MPPED2: variants seen among roughly 807,000 people sequenced by gnomAD.
The protein encoded by MPPED2 is metallophosphoesterase domain containing 2.
Under a neutral mutation model 33.0 loss-of-function variants are expected in MPPED2, and 5 were observed. That is an observed-to-expected ratio of 0.15 (90% CI 0.08 to 0.32). The LOEUF (loss-of-function observed/expected upper bound fraction) is 0.32. Among genes scored for constraint, MPPED2 ranks in the 10% least tolerant of loss-of-function variants. The probability of loss-of-function intolerance (pLI) is 1.00; values close to 1 mark genes in which losing one functional copy is unlikely to be tolerated. For missense variants in MPPED2, 275 were observed against 372.1 expected (o/e 0.74, Z 2.15); for synonymous variants, 136 against 141.9 (o/e 0.96, Z 0.29).
chr11:30,447,463 A>G (rs534903804), intron 4 of MPPED2, among the ~76,000 whole-genome samples: 208 of 152,332 alleles, frequency 1.4e-3, no homozygotes, highest in Admixed American at 2.5e-3. Context: ...GTGGCCTGAC[A>G]GGGACCAGAA....
chr11:30,551,215 C>T lies in MPPED2; in HGVS notation c.129-15040G>A, dbSNP rs374248472. ...CTAACATCAATGAACACTATTCCCACGCTTAGGCACCATGCCAAGCACTTT... is the reference window on the plus strand; with the variant it reads ...CTAACATCAATGAACACTATTCCCATGCTTAGGCACCATGCCAAGCACTTT... On this transcript the variant is annotated intron_variant, in intron 2 of 6. Coordinates refer to ENST00000358117, the MANE Select transcript of MPPED2 (RefSeq NM_001584.3). Among the ~76,000 whole-genome samples, 30 of 152,310 alleles carry T rather than the reference C, an allele frequency of 2.0e-4. No individual in the cohort carries two copies. In the South Asian group the frequency reaches 2.7e-3, roughly 14 times the overall value.
intron 2 of MPPED2, among the ~76,000 whole-genome samples, chr11:30,538,112 A>C (rs1416639198): frequency 6.6e-6 from 1 of 152,190 alleles, no homozygotes; most frequent in Non-Finnish European, 1.5e-5. Flanking sequence ...GTTTGCATTT[A>C]TACTTAATGC....
At chr11:30,450,004 T>C (rs1949985424) in intron 4 of MPPED2, among the ~76,000 whole-genome samples, 1 of 152,232 alleles carries the variant, frequency 6.6e-6, no homozygotes, top group South Asian at 2.1e-4. Flanking sequence ...TTTTTTGGTT[T>C]TCAATTTTCT....
chr11:30,392,212 T>A (rs1346461550), intron 6 of MPPED2, among the ~76,000 whole-genome samples: 2 of 152,216 alleles, frequency 1.3e-5, no homozygotes, highest in Non-Finnish European at 2.9e-5. Flanking sequence ...TCTAATGGTT[T>A]CTTTGTTTGA....
intron 3 of MPPED2, among the ~76,000 whole-genome samples, chr11:30,516,419 C>A (rs533770400): frequency 6.6e-6 from 1 of 152,030 alleles, no homozygotes; most frequent in Middle Eastern, 3.2e-3. Context: ...GGCTAAAGGA[C>A]GTAGCATTTC....
At chr11:30,458,074 T>C (rs1198647065) in intron 4 of MPPED2, among the ~76,000 whole-genome samples, 1 of 152,212 alleles carries the variant, frequency 6.6e-6, no homozygotes, top group Admixed American at 6.5e-5. Context: ...GGCTCTCATG[T>C]GGGCTCTTTC....
chr11:30,495,572 A>C (rs1298554923), intron 3 of MPPED2, 51 bp from the exon 4 acceptor site: 1 of 1,374,022 alleles, frequency 7.3e-7, no homozygotes, highest in East Asian at 2.3e-5. Flanking sequence ...CCCATCACAA[A>C]GTACAACAGC....
chr11:30,440,374 C>G, intron 4 of MPPED2, among the ~76,000 whole-genome samples: 1 of 151,818 alleles, frequency 6.6e-6, no homozygotes, highest in Non-Finnish European at 1.5e-5. Context: ...TATACCTATT[C>G]ATTTGCATAT....
chr11:30,506,213 AT>A (rs1952819865), intron 3 of MPPED2, among the ~76,000 whole-genome samples: 1 of 151,838 alleles, frequency 6.6e-6, no homozygotes, highest in African/African-American at 2.4e-5. Flanking sequence ...AATTTTTTAT[AT>A]TTTTAGTAGA....
chr11:30,534,618 T>C (rs1286589791), intron 3 of MPPED2, among the ~76,000 whole-genome samples: 1 of 152,196 alleles, frequency 6.6e-6, no homozygotes, highest in Admixed American at 6.5e-5. Flanking sequence ...TATACATTCA[T>C]TCACTGCTAG....
chr11:30,487,040 T>C (rs1951772614), intron 4 of MPPED2, among the ~76,000 whole-genome samples: 1 of 152,230 alleles, frequency 6.6e-6, no homozygotes, highest in South Asian at 2.1e-4. Context: ...ACCAAGCATC[T>C]ACTATGTGCC....
intron 4 of MPPED2, among the ~76,000 whole-genome samples, chr11:30,462,585 G>GA (rs1246307766): frequency 3.3e-5 from 5 of 152,208 alleles, no homozygotes; most frequent in East Asian, 3.9e-4. Context: ...TTATTAAGGG[G>GA]AAAAAATGCT....
intron 4 of MPPED2, among the ~76,000 whole-genome samples, chr11:30,433,771 G>A (rs1949191400): frequency 6.6e-6 from 1 of 152,132 alleles, no homozygotes; most frequent in Admixed American, 6.5e-5. Flanking sequence ...ACATTTCAGA[G>A]GAAATCTAGG....
intron 4 of MPPED2, among the ~76,000 whole-genome samples, chr11:30,418,160 C>T (rs16920647): frequency 0.093 from 14,147 of 152,152 alleles, 723 homozygotes; most frequent in East Asian, 0.18. Flanking sequence ...GGTTTGAATA[C>T]CCTGGAGTGA....
intron 4 of MPPED2, among the ~76,000 whole-genome samples, chr11:30,478,645 T>G (rs548641912): frequency 6.6e-6 from 1 of 152,156 alleles, no homozygotes; most frequent in South Asian, 2.1e-4. Flanking sequence ...TATCCCCATC[T>G]TGTTCCTGGA....
At chr11:30,438,181 C>A (rs1482217388) in intron 4 of MPPED2, among the ~76,000 whole-genome samples, 3 of 152,182 alleles carry the variant, frequency 2.0e-5, no homozygotes, top group Non-Finnish European at 2.9e-5. Flanking sequence ...CAAGAAATGA[C>A]TCTTTTTCTC....
chr11:30,484,280 A>G (rs1235479325), intron 4 of MPPED2, among the ~76,000 whole-genome samples: 2 of 152,246 alleles, frequency 1.3e-5, no homozygotes, highest in East Asian at 3.9e-4. Context: ...CACTTCTTCT[A>G]GTATGCCCTT....
At chr11:30,423,308 T>C (rs1948693278) in intron 4 of MPPED2, among the ~76,000 whole-genome samples, 1 of 152,116 alleles carries the variant, frequency 6.6e-6, no homozygotes, top group Non-Finnish European at 1.5e-5. Flanking sequence ...CAAATCAACG[T>C]CCACAAATTT....
intron 2 of MPPED2, among the ~76,000 whole-genome samples, chr11:30,577,250 T>C (rs146577863): frequency 1.3e-3 from 191 of 152,256 alleles, no homozygotes; most frequent in African/African-American, 4.5e-3. Context: ...TTGAATTAAA[T>C]GGGAAGTGAG....
Sources: gnomAD v4.1 joint callset for allele counts (sites outside exome capture counted in the v4.1 genomes callset) on GRCh38, gnomAD v4.1.1 for gene constraint, MANE v1.5 for transcripts, NCBI Gene and HGNC (gene_info 2026-07-23, HGNC 2026-07-21) for gene names.